The following RHPN2 variants were observed in gnomAD, a reference collection of about 807,000 sequenced individuals.
RHPN2 encodes the protein rhophilin Rho GTPase binding protein 2.
RHPN2 carries 40 observed loss-of-function variants against 79.0 expected under a neutral mutation model. The ratio of observed to expected loss-of-function variants is 0.51; its 90% confidence interval spans 0.39 to 0.66. The LOEUF (loss-of-function observed/expected upper bound fraction) is 0.66, where lower values mean the gene tolerates loss of function less well. Ranked by LOEUF, RHPN2 falls within the 30% of genes least tolerant of loss-of-function variation. The pLI, the probability that RHPN2 is intolerant of heterozygous loss-of-function variation, is 0.00. For synonymous variants in RHPN2, 285 were observed against 363.5 expected, an observed-to-expected ratio of 0.78 and a Z score of 2.46; for missense variants, 686 against 883.5, an observed-to-expected ratio of 0.78 and a Z score of 2.83.
At chr19:32,990,818 T>C in intron 13 of RHPN2, 149 bp from the exon 14 acceptor site, 1 of 768,266 alleles carries the variant, frequency 1.3e-6, no homozygotes, top group Non-Finnish European at 2.2e-6. Context: ...TCACTTGAGG[T>C]CAGTAGTTCA....
At chr19:33,044,412 A>C (rs1385357791) in intron 1 of RHPN2, 48 bp from the exon 2 acceptor site, 1 of 1,193,486 alleles carries the variant, frequency 8.4e-7, no homozygotes, top group South Asian at 1.2e-5. Context: ...CACTCTAAAA[A>C]TGATGACAGG....
At chr19:32,989,243 G>A (rs1186426735) in intron 14 of RHPN2, among the ~76,000 whole-genome samples, 2 of 152,102 alleles carry the variant, frequency 1.3e-5, no homozygotes, top group Non-Finnish European at 2.9e-5. Context: ...CTGAGTAGCT[G>A]GGGTTACAGG....
chr19:33,033,326 G>A (rs1972027532), intron 2 of RHPN2, among the ~76,000 whole-genome samples: 1 of 152,194 alleles, frequency 6.6e-6, no homozygotes, highest in East Asian at 1.9e-4. Flanking sequence ...AGCACTCTGG[G>A]AGGCCAAGGT....
At chr19:33,063,845 C>T (rs1178958230) in intron 1 of RHPN2, among the ~76,000 whole-genome samples, 1 of 151,838 alleles carries the variant, frequency 6.6e-6, no homozygotes, top group South Asian at 2.1e-4. Context: ...CGCCAGCCCC[C>T]GCCAAGTCTC....
In RHPN2 at chr19:32,995,917, C is replaced by T. The variant is rs1971696535; in HGVS notation, c.1420+109G>A. The T allele has an allele frequency of 5.5e-6, 6 of 1,088,228 alleles. No homozygotes were observed. In the Admixed American group the frequency reaches 9.2e-5, roughly 17 times the overall value. The allele number at this position is 1,088,228 out of a possible 1,614,324, so 67.4% of individuals were successfully genotyped here. A position where few individuals can be genotyped will look rare whatever the true frequency, so the allele number is the denominator to read the frequency against. ...ACCTCAGTCCCTACCCTGTGCAGCT[C>T]TCCTTGTGCCAAGCACACAGCGAGG... On this transcript the variant is annotated intron_variant, in intron 11 of 14. Transcript: ENST00000254260.
chr19:33,002,730 T>G (rs556911689), intron 8 of RHPN2, 83 bp downstream of exon 8: 304 of 1,493,374 alleles, frequency 2.0e-4, no homozygotes, highest in Middle Eastern at 1.9e-3. Context: ...CAAGCTCCCA[T>G]GGGAAGGCCC....
In RHPN2 at chr19:33,002,873, G is replaced by C; in HGVS notation, c.888C>G (p.Ser296Arg). 1 of 1,613,940 alleles carries C rather than the reference G, an allele frequency of 6.2e-7. No homozygotes were observed. Among genetic ancestry groups the C allele is most frequent in the Non-Finnish European group, 8.5e-7 (1 of 1,179,864 alleles). The change falls in exon 8 of 15, where the codon AGC becomes AGG. Residue 296 changes from serine to arginine, a missense_variant. Coordinates refer to ENST00000254260, the MANE Select transcript of RHPN2 (RefSeq NM_033103.5). Reference sequence around the variant, plus strand: ...AGAATTCATTCCGGATCCCAGGAAGGCTGATTTTCTCAAACACGCTTTCTT... The same window carrying C: ...AGAATTCATTCCGGATCCCAGGAAGCCTGATTTTCTCAAACACGCTTTCTT... ...QAQESVFEKI[S>R]LPGIRNEFFM... is the part of the protein sequence containing the mutation.
intron 1 of RHPN2, among the ~76,000 whole-genome samples, chr19:33,044,943 G>C (rs184014232): frequency 1.3e-5 from 2 of 152,052 alleles, no homozygotes; most frequent in East Asian, 3.9e-4. Context: ...AGAGTTATAA[G>C]ATCAAACCTT....
Position 33,000,896 on chromosome 19 carries a change from G to A in RHPN2, c.1106-1191C>T, listed in dbSNP as rs564396628. Among the ~76,000 whole-genome samples the A allele has an allele frequency of 1.1e-3, 170 of 152,226 alleles. 2 individuals are homozygous for A. Among genetic ancestry groups the A allele is most frequent in the South Asian group, 2.1e-3 (10 of 4,820 alleles). On this transcript the variant is annotated intron_variant, in intron 9 of 14. Coordinates refer to ENST00000254260, the MANE Select transcript of RHPN2 (RefSeq NM_033103.5). ...CATTTGTGTCTCTACAGCAATCACCGAGGCACTATATGGTATTTCTATTTG... is the reference window on the plus strand; with the variant it reads ...CATTTGTGTCTCTACAGCAATCACCAAGGCACTATATGGTATTTCTATTTG...
chr19:32,981,700 CT>C, intron 14 of RHPN2, among the ~76,000 whole-genome samples: 1 of 127,208 alleles, frequency 7.9e-6, no homozygotes, highest in Non-Finnish European at 1.7e-5. Context: ...TCTTTTTTTT[CT>C]TTTTCCTTTT....
intron 1 of RHPN2, among the ~76,000 whole-genome samples, chr19:33,060,840 T>G (rs1568329279): frequency 6.6e-6 from 1 of 152,136 alleles, no homozygotes; most frequent in Non-Finnish European, 1.5e-5. Context: ...CTCACAGCAC[T>G]GTCACTGACT....
chr19:33,011,925 G>C, intron 5 of RHPN2, 122 bp from the exon 6 acceptor site: 2 of 1,269,508 alleles, frequency 1.6e-6, no homozygotes, highest in Non-Finnish European at 2.2e-6. Flanking sequence ...TGATGACCTC[G>C]CTACTGGCAT....
chr19:33,002,366 C>T lies in RHPN2; in HGVS notation c.986G>A (p.Ser329Asn), dbSNP rs768051635. The T allele has an allele frequency of 7.4e-6, 12 of 1,613,824 alleles. No homozygotes were observed. The East Asian group carries it at 1.1e-4, about 15-fold the overall frequency. The stretch of plus-strand genomic sequence containing the variant: ...GATGTTCTCTTTCACCGGCGCCTGG[C>T]TCATGGCTGCGTGTAGCTGTTGGTA... Reference protein sequence around the residue: ...EVYQQLHAAMSQAPVKENIPY... With the variant: ...EVYQQLHAAMNQAPVKENIPY... Residue 329 changes from serine (S) to asparagine (N), a missense_variant, in exon 9 of 15, where the codon AGC becomes AAC. Physicochemically the swap from Ser to Asn is conservative, Grantham distance 46. Coordinates refer to ENST00000254260, the MANE Select transcript of RHPN2 (RefSeq NM_033103.5).
chr19:33,038,704 C>T (rs1295584428), intron 2 of RHPN2, among the ~76,000 whole-genome samples: 1 of 152,134 alleles, frequency 6.6e-6, no homozygotes, highest in Non-Finnish European at 1.5e-5. Flanking sequence ...GTCACCCAGG[C>T]TGGAGTGCAA....
chr19:33,019,256 G>A (rs1195415990), intron 4 of RHPN2, among the ~76,000 whole-genome samples: 1 of 151,882 alleles, frequency 6.6e-6, no homozygotes, highest in Non-Finnish European at 1.5e-5. Context: ...ACCAGCCTGG[G>A]CAACAGTGGG....
intron 1 of RHPN2, among the ~76,000 whole-genome samples, chr19:33,045,029 C>G (rs1462611864): frequency 6.6e-6 from 1 of 151,894 alleles, no homozygotes; most frequent in Non-Finnish European, 1.5e-5. Context: ...CGCTTTCCCC[C>G]TCACTGTTAC....
At chr19:32,991,259 C>T (rs540711023) in intron 13 of RHPN2, 5 of 186,522 alleles carry the variant, frequency 2.7e-5, no homozygotes, top group Non-Finnish European at 5.6e-5. Flanking sequence ...AGATCGAAAC[C>T]ATCCTGGCTA....
chr19:33,004,813 C>T (rs1971777516), intron 7 of RHPN2, among the ~76,000 whole-genome samples: 1 of 151,738 alleles, frequency 6.6e-6, no homozygotes, highest in African/African-American at 2.4e-5. Flanking sequence ...TCTCGAACTC[C>T]TGACCTCAGG....
intron 1 of RHPN2, among the ~76,000 whole-genome samples, chr19:33,062,658 C>G (rs1395101880): frequency 6.6e-6 from 1 of 151,286 alleles, no homozygotes; most frequent in African/African-American, 2.4e-5. Context: ...GTAATCCCAG[C>G]TACTTCGGAG....
Sources: gnomAD v4.1 joint callset for allele counts (sites outside exome capture counted in the v4.1 genomes callset) on GRCh38, gnomAD v4.1.1 for gene constraint, MANE v1.5 for transcripts, NCBI Gene and HGNC (gene_info 2026-07-23, HGNC 2026-07-21) for gene names.